Variants in RPS6KC1 observed in about 807,000 individuals in gnomAD.
The protein encoded by RPS6KC1 is inactive ribosomal protein S6 kinase delta-1.
Under a neutral mutation model 103.8 loss-of-function variants are expected in RPS6KC1, and 54 were observed. The ratio of observed to expected loss-of-function variants is 0.52; its 90% CI spans 0.42 to 0.65. RPS6KC1 has a LOEUF of 0.65. Among genes scored for constraint, RPS6KC1 ranks in the 30% least tolerant of loss-of-function variants. The probability of loss-of-function intolerance (pLI) is 0.00; values close to 1 mark genes in which losing one functional copy is unlikely to be tolerated. For synonymous variants in RPS6KC1, 439 were observed against 438.7 expected (o/e 1.00, Z -0.01); for missense variants, 1,151 against 1,253.8 (o/e 0.92, Z 1.24).
chr1:213,355,309 G>A, the RPS6KC1 span, among the ~76,000 whole-genome samples: 3 of 152,184 alleles, frequency 2.0e-5, no homozygotes, highest in African/African-American at 4.8e-5. Context: ...GAAGGCTGGC[G>A]GGATGTACAA....
chr1:213,440,444 G>A, the RPS6KC1 span, among the ~76,000 whole-genome samples: 1 of 152,044 alleles, frequency 6.6e-6, no homozygotes. Context: ...AAGTTTTGGG[G>A]AAGTGCTAGG....
the RPS6KC1 span, among the ~76,000 whole-genome samples, chr1:213,337,283 C>T: frequency 1.3e-5 from 2 of 152,230 alleles, no homozygotes; most frequent in African/African-American, 4.8e-5. Flanking sequence ...ATTTCAGCAG[C>T]ATCTGCAGTG....
At chr1:213,136,627 C>T (rs374883239) in intron 6 of RPS6KC1, among the ~76,000 whole-genome samples, 5 of 151,976 alleles carry the variant, frequency 3.3e-5, no homozygotes, top group East Asian at 1.9e-4. Flanking sequence ...TCTAGAGAAC[C>T]GGCATGGTAT....
At chr1:213,299,799 C>CTTTTTA in the RPS6KC1 span, among the ~76,000 whole-genome samples, 1 of 151,850 alleles carries the variant, frequency 6.6e-6, no homozygotes, top group African/African-American at 2.4e-5. Flanking sequence ...ATGCTAAATT[C>CTTTTTA]TTTTTATTTT....
intron 2 of RPS6KC1, chr1:213,072,984 C>T: frequency 1.2e-6 from 1 of 817,114 alleles, no homozygotes; most frequent in Non-Finnish European, 1.5e-6. Context: ...TCTGAAAACT[C>T]TTGTAAGTGT....
chr1:213,370,203 A>G, the RPS6KC1 span, among the ~76,000 whole-genome samples: 1 of 151,488 alleles, frequency 6.6e-6, no homozygotes, highest in African/African-American at 2.4e-5. Flanking sequence ...TCTTGCTTGT[A>G]CTAAGACAGT....
chr1:213,420,702 A>G, the RPS6KC1 span, among the ~76,000 whole-genome samples: 3 of 152,090 alleles, frequency 2.0e-5, no homozygotes, highest in Admixed American at 2.0e-4. Context: ...CTCCCCCTCA[A>G]TTTCCCTTGG....
downstream of RPS6KC1, among the ~76,000 whole-genome samples, chr1:213,278,733 T>C (rs1197505350): frequency 6.6e-6 from 1 of 152,056 alleles, no homozygotes; most frequent in Non-Finnish European, 1.5e-5. Flanking sequence ...GAAAGAAGCA[T>C]AAATAATAAG....
chr1:213,822,758 T>C, the RPS6KC1 span, among the ~76,000 whole-genome samples: 2,448 of 152,326 alleles, frequency 0.016, 70 homozygotes, highest in African/African-American at 0.056. Flanking sequence ...GTTACAGAAG[T>C]AAGTTCTTTT....
the RPS6KC1 span, among the ~76,000 whole-genome samples, chr1:213,495,314 C>A: frequency 6.6e-6 from 1 of 151,952 alleles, no homozygotes; most frequent in African/African-American, 2.4e-5. Context: ...ATATGCACCC[C>A]CACCCCGCTT....
the RPS6KC1 span, among the ~76,000 whole-genome samples, chr1:213,599,405 T>A: frequency 6.9e-6 from 1 of 145,632 alleles, no homozygotes. Flanking sequence ...ACCAGAAGAA[T>A]CATACCCAGT....
the RPS6KC1 span, among the ~76,000 whole-genome samples, chr1:213,372,732 G>T: frequency 6.6e-6 from 1 of 152,068 alleles, no homozygotes; most frequent in Non-Finnish European, 1.5e-5. Flanking sequence ...CTACCTTGGG[G>T]GTGGTATTAA....
the RPS6KC1 span, among the ~76,000 whole-genome samples, chr1:213,725,747 G>A: frequency 1.3e-5 from 2 of 152,160 alleles, no homozygotes; most frequent in African/African-American, 2.4e-5. Context: ...TATTTCACAT[G>A]ATTTTAATCA....
intron 6 of RPS6KC1, among the ~76,000 whole-genome samples, chr1:213,152,072 C>T (rs1415606676): frequency 3.5e-5 from 5 of 144,024 alleles, no homozygotes; most frequent in Middle Eastern, 4.0e-3. Flanking sequence ...CCCCACCTCC[C>T]TCCCGGACGG....
chr1:213,136,114 GTC>G (rs2086240893), intron 6 of RPS6KC1, among the ~76,000 whole-genome samples: 1 of 152,084 alleles, frequency 6.6e-6, no homozygotes, highest in African/African-American at 2.4e-5. Flanking sequence ...TTATTTGCCT[GTC>G]TCTGTTCACA....
intron 8 of RPS6KC1, among the ~76,000 whole-genome samples, chr1:213,215,314 GAGA>G (rs2093630348): frequency 2.6e-5 from 4 of 152,152 alleles, no homozygotes; most frequent in Admixed American, 6.5e-5. Context: ...GAAGTGAGAA[GAGA>G]AGTTTAGAGA....
chr1:213,792,545 A>G, the RPS6KC1 span, among the ~76,000 whole-genome samples: 2 of 152,150 alleles, frequency 1.3e-5, no homozygotes, highest in Non-Finnish European at 2.9e-5. Flanking sequence ...CCTCAAATGG[A>G]TAGAGACACT....
intron 3 of RPS6KC1, among the ~76,000 whole-genome samples, chr1:213,084,528 G>A: frequency 6.6e-6 from 1 of 152,164 alleles, no homozygotes. Flanking sequence ...TAGGGATATT[G>A]TATTACATCA....
the RPS6KC1 span, among the ~76,000 whole-genome samples, chr1:213,612,480 C>T: frequency 6.6e-6 from 1 of 152,156 alleles, no homozygotes; most frequent in African/African-American, 2.4e-5. Context: ...TTCAACAATT[C>T]ATTTCAGTTT....
Sources: allele counts gnomAD v4.1 joint callset (sites outside exome capture counted in the v4.1 genomes callset), GRCh38; gene constraint gnomAD v4.1.1; transcripts MANE v1.5; gene names NCBI Gene and HGNC (gene_info 2026-07-23, HGNC 2026-07-21).